The following MED14 variants were observed in gnomAD, a reference collection of about 807,000 sequenced individuals.
The protein encoded by MED14 is mediator complex subunit 14.
Under a neutral mutation model 109.0 loss-of-function variants are expected in MED14, and 8 were observed. The ratio of observed to expected loss-of-function variants is 0.07; its 90% CI spans 0.04 to 0.13. The LOEUF is 0.13. MED14 is among the 10% of genes least tolerant of loss of function. The pLI is 1.00. For synonymous variants in MED14, 399 were observed against 408.7 expected (o/e 0.98, Z 0.29); for missense variants, 711 against 1,142.4 (o/e 0.62, Z 5.44).
At chrX:40,687,159 A>C (rs142547102) in intron 16 of MED14, among the ~76,000 whole-genome samples, 1,401 of 111,603 alleles carry the variant, frequency 0.013, 27 homozygotes, top group African/African-American at 0.042. Context: ...AGTCCATTCA[A>C]ACTCACATCT....
At chrX:40,683,327 C>T (rs1452911785) in intron 16 of MED14, among the ~76,000 whole-genome samples, 1 of 111,588 alleles carries the variant, frequency 9.0e-6, no homozygotes, top group Non-Finnish European at 1.9e-5. Context: ...GCTAAGGGGA[C>T]CAAATCCTTA....
chrX:40,732,634 G>T (rs147893381), intron 1 of MED14, among the ~76,000 whole-genome samples: 1,546 of 110,204 alleles, frequency 0.014, 40 homozygotes, highest in African/African-American at 0.048. Context: ...AAAAAAATTA[G>T]CTGGGCGTGG....
chrX:40,649,533 G>A lies in MED14; in HGVS notation c.*2273C>T. ...AACATCTTCATCAAAATTAACTAGA[G>A]AGTTGGTAGTTCTCTGAAACTTTGT... On this transcript the variant is annotated 3_prime_UTR_variant, in exon 31 of 31. Coordinates refer to ENST00000324817, the MANE Select transcript of MED14 (RefSeq NM_004229.4). The A allele has an allele frequency of 1.4e-6, 1 of 707,902 alleles. No homozygotes were observed. The highest frequency in any genetic ancestry group is 1.8e-6 in the Non-Finnish European group (1 of 542,810). 58.3% of individuals were successfully genotyped at this position (707,902 alleles called of 1,213,427 possible). A position where few individuals can be genotyped will look rare whatever the true frequency, so the allele number is the denominator to read the frequency against.
intron 3 of MED14, among the ~76,000 whole-genome samples, chrX:40,719,475 A>G (rs1276773424): frequency 6.2e-5 from 7 of 112,015 alleles, no homozygotes; most frequent in Admixed American, 5.7e-4. Context: ...AAAGGAATGT[A>G]GTGACACAAG....
At chrX:40,677,266 T>C (rs1231892124) in intron 21 of MED14, among the ~76,000 whole-genome samples, 1 of 112,206 alleles carries the variant, frequency 8.9e-6, no homozygotes. Context: ...CCTGTCTTGG[T>C]ACTCACACCA....
chrX:40,692,670 C>T (rs1352483180), intron 14 of MED14, 38 bp downstream of exon 14: 18 of 1,140,471 alleles, frequency 1.6e-5, no homozygotes, highest in Non-Finnish European at 2.0e-5. Context: ...CAAGTTAACA[C>T]ACACAAATTC....
Position 40,712,185 on chromosome X carries a change from C to T in MED14, c.889+1G>A, listed in dbSNP as rs1931360926. 3 of 1,155,467 alleles carry T rather than the reference C, an allele frequency of 2.6e-6. No individual in the cohort carries two copies. The highest frequency in any genetic ancestry group is 3.5e-6 in the Non-Finnish European group (3 of 857,908). ...ATATGTCTCAAATTTCAGAAGGATA[C>T]GTAGGCAGTTGTACATATCCTGAAG... is the stretch of plus-strand genomic sequence containing the variant. On this transcript the variant is annotated splice_donor_variant, in intron 7 of 30. Coordinates refer to ENST00000324817, the MANE Select transcript of MED14 (RefSeq NM_004229.4). LOFTEE classifies it high-confidence loss of function.
chrX:40,735,958 G>A (rs1932258364), upstream of MED14: 1 of 240,742 alleles, frequency 4.2e-6, no homozygotes, highest in African/African-American at 2.9e-5. Flanking sequence ...CAGTTGCCCC[G>A]CCCTTACCCT....
chrX:40,703,456 G>C lies in MED14; in HGVS notation c.1399C>G (p.Leu467Val). Residue 467 changes from leucine to valine, a missense_variant, in exon 11 of 31, where the codon CTT becomes GTT. Leu to Val is a conservative substitution (Grantham distance 32). Around this residue, in one of 8 missense-constraint regions of MED14, gnomAD observed 388 missense variants for 517.3 expected, o/e 0.75. Transcript: ENST00000324817. Reference protein sequence around the residue: ...DLHSGMFQLMLYGLDQATLDD... With the variant: ...DLHSGMFQLMVYGLDQATLDD... Reference sequence around the variant, plus strand: ...TTTAGTAACTTACCAAGTCCATAAAGCATCAATTGAAACATTCCAGAATGT... The same window carrying C: ...TTTAGTAACTTACCAAGTCCATAAACCATCAATTGAAACATTCCAGAATGT... 8.4e-7 allele frequency: 1 copy of C among 1,194,146 alleles called. No homozygotes were observed. The highest frequency in any genetic ancestry group is 3.0e-5 in the East Asian group (1 of 33,655).
chrX:40,733,378 C>T (rs1039611708), intron 1 of MED14, among the ~76,000 whole-genome samples: 1 of 111,842 alleles, frequency 8.9e-6, no homozygotes, highest in Non-Finnish European at 1.9e-5. Flanking sequence ...GCTGGGATTA[C>T]AGGTATAAGC....
At chrX:40,707,113 A>G (rs766774017) in intron 10 of MED14, among the ~76,000 whole-genome samples, 6 of 107,334 alleles carry the variant, frequency 5.6e-5, no homozygotes, top group Non-Finnish European at 1.2e-4. Context: ...AGATGGATAG[A>G]TAGATAGATA....
At chrX:40,694,052 T>C (rs1216308448) in intron 13 of MED14, among the ~76,000 whole-genome samples, 1 of 110,589 alleles carries the variant, frequency 9.0e-6, no homozygotes, top group Admixed American at 9.6e-5. Flanking sequence ...TGTGTGCCAC[T>C]ACACTAGGCT....
At chrX:40,677,336 G>C (rs1039838354) in intron 21 of MED14, among the ~76,000 whole-genome samples, 1 of 111,289 alleles carries the variant, frequency 9.0e-6, no homozygotes, top group Non-Finnish European at 1.9e-5. Flanking sequence ...ATGGCCCAAG[G>C]AGATCATCCT....
intron 11 of MED14, among the ~76,000 whole-genome samples, chrX:40,702,790 A>G (rs1379186139): frequency 3.6e-5 from 4 of 112,067 alleles, no homozygotes; most frequent in Non-Finnish European, 7.5e-5. Flanking sequence ...AGCCCATAGA[A>G]AAAAAATCTA....
intron 28 of MED14, among the ~76,000 whole-genome samples, chrX:40,658,350 C>G (rs933836178): frequency 2.7e-5 from 3 of 111,255 alleles, no homozygotes; most frequent in Admixed American, 1.9e-4. Flanking sequence ...CCTCAGCCCC[C>G]CAAAGTACTA....
chrX:40,653,347 A>C (rs1417377338), intron 30 of MED14, among the ~76,000 whole-genome samples: 1 of 111,798 alleles, frequency 8.9e-6, no homozygotes, highest in African/African-American at 3.3e-5. Context: ...ACAACAAAAG[A>C]AGCACACCCT....
intron 6 of MED14, 91 bp downstream of exon 6, chrX:40,712,823 G>T: frequency 1.1e-6 from 1 of 902,734 alleles, no homozygotes; most frequent in Non-Finnish European, 1.5e-6. Context: ...ACAAGCATGA[G>T]CCATCATCCC....
chrX:40,662,690 TAG>T (rs1929332586), intron 26 of MED14, among the ~76,000 whole-genome samples: 1 of 112,049 alleles, frequency 8.9e-6, no homozygotes, highest in Non-Finnish European at 1.9e-5. Context: ...CCATATAACA[TAG>T]AAGCCACAGC....
rs1931804497 is a variant in MED14 at position 40,723,691 on chromosome X, A to C, written c.348+3055T>G. On this transcript the variant is annotated intron_variant, in intron 3 of 30. Transcript: ENST00000324817. Reference sequence around the variant, plus strand: ...AGAAAAAAAAAAAAAAAAAAAAAAAAAAATACAATGGACACAAAAAATAAA... The same window carrying C: ...AGAAAAAAAAAAAAAAAAAAAAAAACAAATACAATGGACACAAAAAATAAA... 2.8e-5 allele frequency among the ~76,000 whole-genome samples: 3 copies of C among 106,699 alleles called. No homozygotes were observed. In the South Asian group the frequency reaches 1.2e-3, roughly 43 times the overall value. The allele number at this position is 106,699 out of a possible 115,157, so 92.7% of individuals were successfully genotyped here.
Sources: gnomAD v4.1 joint callset for allele counts (sites outside exome capture counted in the v4.1 genomes callset) on GRCh38, gnomAD v4.1.1 for gene constraint, gnomAD v4.1.1 regional missense constraint, MANE v1.5 for transcripts, NCBI Gene and HGNC (gene_info 2026-07-23, HGNC 2026-07-21) for gene names.